KDM7A: variants seen among roughly 807,000 people sequenced by gnomAD.
KDM7A encodes lysine demethylase 7A.
In KDM7A, 28 loss-of-function variants were observed where a neutral mutation model predicts 114.8. The observed-to-expected ratio is 0.24, with a 90% CI of 0.18 to 0.33. KDM7A has a LOEUF of 0.33. Ranked by LOEUF, KDM7A falls within the 10% of genes least tolerant of loss-of-function variation. The pLI is 1.00. For synonymous variants in KDM7A, 423 were observed against 397.8 expected, an observed-to-expected ratio of 1.06 and a Z score of -0.75; for missense variants, 942 against 1,142.5, an observed-to-expected ratio of 0.82 and a Z score of 2.53.
At chr7:140,116,453 C>T (rs1818531038) in intron 9 of KDM7A, among the ~76,000 whole-genome samples, 1 of 152,082 alleles carries the variant, frequency 6.6e-6, no homozygotes, top group South Asian at 2.1e-4. Context: ...TAGTTTATAA[C>T]ACAGGTGATA....
intron 3 of KDM7A, among the ~76,000 whole-genome samples, chr7:140,131,669 C>T (rs1818788866): frequency 6.6e-6 from 1 of 152,206 alleles, no homozygotes; most frequent in African/African-American, 2.4e-5. Flanking sequence ...TTCCCCCAAC[C>T]TCTGAGGATT....
At chr7:140,105,424 T>G (rs185237328) in intron 11 of KDM7A, among the ~76,000 whole-genome samples, 8 of 152,206 alleles carry the variant, frequency 5.3e-5, no homozygotes, top group Non-Finnish European at 1.2e-4. Flanking sequence ...GGCTGTGAGT[T>G]TGTCATAAAT....
chr7:140,101,700 G>A (rs1440759131), intron 12 of KDM7A, among the ~76,000 whole-genome samples: 2 of 152,124 alleles, frequency 1.3e-5, no homozygotes, highest in Non-Finnish European at 2.9e-5. Context: ...GCCTAGAAGA[G>A]GAAATGGTAC....
At chr7:140,161,545 T>G (rs902224533) in intron 1 of KDM7A, among the ~76,000 whole-genome samples, 8 of 149,994 alleles carry the variant, frequency 5.3e-5, no homozygotes, top group Non-Finnish European at 7.4e-5. Flanking sequence ...CGTTTTTTTG[T>G]TTTTTTTTTC....
intron 11 of KDM7A, among the ~76,000 whole-genome samples, chr7:140,106,943 G>A (rs1223460242): frequency 1.3e-5 from 2 of 152,294 alleles, no homozygotes; most frequent in East Asian, 3.9e-4. Flanking sequence ...AGGTCTCTAA[G>A]GACTTGCTTT....
At position 140,101,978 on chromosome 7, in the gene KDM7A, T is replaced by C; in HGVS notation, c.1611A>G (p.Lys537=). 6.2e-7 allele frequency: 1 copy of C among 1,613,352 alleles called. No homozygotes were observed. The highest frequency in any genetic ancestry group is 1.1e-5 in the South Asian group (1 of 91,066). ...CTTCCCATGGACACATCTCTAATCT[T>C]TTGAGGACCTCCCTTGTGTGGAGCT... ...ILELHTREVL[K]RLEMCPWEED... The change falls in exon 12 of 20, where the codon AAA becomes AAG. Residue 537 remains lysine (K), a synonymous_variant. Transcript: ENST00000397560.
Position 140,176,407 on chromosome 7 carries a change from C to A in KDM7A, c.194+337G>T, listed in dbSNP as rs1308972586. Among the ~76,000 whole-genome samples, 1 of 138,152 alleles carries A rather than the reference C, an allele frequency of 7.2e-6. No homozygotes were observed. The highest frequency in any genetic ancestry group is 1.6e-5 in the Non-Finnish European group (1 of 63,372). 90.6% of individuals were successfully genotyped at this position (138,152 alleles called of 152,430 possible). A position where few individuals can be genotyped will look rare whatever the true frequency, so the allele number is the denominator to read the frequency against. ...GCTGGCGAGGGGCTGCGGACCCGGC[C>A]GGCGCTCCGCCCGACGCCCCCGCCG... is the stretch of plus-strand genomic sequence containing the variant. On this transcript the variant is annotated intron_variant, in intron 1 of 19. Coordinates refer to ENST00000397560, the MANE Select transcript of KDM7A (RefSeq NM_030647.2). The surrounding 1 kb of genome is among the most constrained non-coding windows in gnomAD (Gnocchi z 4.4).
chr7:140,124,486 C>A, intron 7 of KDM7A, 135 bp downstream of exon 7: 2 of 598,992 alleles, frequency 3.3e-6, no homozygotes, highest in South Asian at 6.1e-5. Context: ...ACATAAAAGT[C>A]CAAGATCAGA....
intron 19 of KDM7A, 90 bp downstream of exon 19, chr7:140,091,713 CA>C: frequency 3.6e-6 from 5 of 1,399,472 alleles, no homozygotes; most frequent in Non-Finnish European, 5.0e-6. Context: ...AGATGTTGAA[CA>C]ACTTGAGTGC....
Position 140,090,844 on chromosome 7 carries a change from A to G in KDM7A, c.*250T>C. The G allele has an allele frequency of 2.3e-6, 1 of 439,152 alleles. No individual in the cohort carries two copies. 27.2% of individuals were successfully genotyped at this position (439,152 alleles called of 1,614,324 possible). A position where few individuals can be genotyped will look rare whatever the true frequency, so the allele number is the denominator to read the frequency against. ...AAAATAAAATTCAAGCCCTGACAAGAGACCCTTTCCAGTTCAAGGTCTCTT... is the reference window on the plus strand; with the variant it reads ...AAAATAAAATTCAAGCCCTGACAAGGGACCCTTTCCAGTTCAAGGTCTCTT... On this transcript the variant is annotated 3_prime_UTR_variant, in exon 20 of 20. Transcript: ENST00000397560.
Position 140,085,419 on chromosome 7 carries a change from C to T in KDM7A, c.*5675G>A, listed in dbSNP as rs1817910636. ...CCCCCCAAAAAAACTTGCTGAAGCA[C>T]TGGCAAAGTTAGACATTTCACAGTA... On this transcript the variant is annotated 3_prime_UTR_variant, in exon 20 of 20. Transcript: ENST00000397560. 2 of 152,208 alleles carry T rather than the reference C, an allele frequency of 1.3e-5. No individual in the cohort carries two copies. Among genetic ancestry groups the T allele is most frequent in the African/African-American group, 2.4e-5 (1 of 41,450 alleles). The allele number at this position is 152,208 out of a possible 1,614,324, so 9.4% of individuals were successfully genotyped here.
chr7:140,175,563 GC>G (rs1794693645), intron 1 of KDM7A, among the ~76,000 whole-genome samples: 1 of 152,242 alleles, frequency 6.6e-6, no homozygotes, highest in South Asian at 2.1e-4. Flanking sequence ...GACTTTGGGA[GC>G]CCAACCCCAA....
chr7:140,119,889 C>T (rs779110777), intron 8 of KDM7A, among the ~76,000 whole-genome samples: 1 of 152,196 alleles, frequency 6.6e-6, no homozygotes, highest in Non-Finnish European at 1.5e-5. Flanking sequence ...CTAGTTCTCC[C>T]AGTCCTGATG....
At position 140,099,936 on chromosome 7, in the gene KDM7A, C is replaced by T. The variant is rs746572928; in HGVS notation, c.1726G>A (p.Asp576Asn). Reference sequence around the variant, plus strand: ...CCATTTGTCAGCAGTAATCGTAGATCATTATCTTTCGCTCTCCATTCAGGT... The same window carrying T: ...CCATTTGTCAGCAGTAATCGTAGATTATTATCTTTCGCTCTCCATTCAGGT... The part of the protein sequence containing the change: ...TVPEWRAKDN[D>N]LRLLLTNGRI... The change falls in exon 13 of 20, where the codon GAT (aspartate) becomes AAT (asparagine). Residue 576 changes from aspartate (D) to asparagine (N), a missense_variant. Asp to Asn is a conservative substitution (Grantham distance 23). This residue lies in a region of KDM7A where 512 missense variants were observed against 576.6 expected (regional missense o/e 0.89). Transcript: ENST00000397560. The T allele has an allele frequency of 1.2e-6, 2 of 1,611,976 alleles. No homozygotes were observed. The highest frequency in any genetic ancestry group is 2.2e-5 in the East Asian group (1 of 44,884).
chr7:140,102,059 C>T lies in KDM7A; in HGVS notation c.1530G>A (p.Lys510=). The T allele has an allele frequency of 6.2e-7, 1 of 1,613,790 alleles. No individual in the cohort carries two copies. The highest frequency in any genetic ancestry group is 8.5e-7 in the Non-Finnish European group (1 of 1,179,700). Residue 510 remains lysine, a synonymous_variant, in exon 12 of 20, where the codon AAG becomes AAA. Transcript: ENST00000397560. ...EATSPYHSRR[K]MRKLRDHNVR... The stretch of plus-strand genomic sequence containing the variant: ...CATTATGATCTCGAAGTTTCCTCAT[C>T]TTTCTTCGGGAATGGTATGGGGAAG...
At chr7:140,145,771 TAAG>T (rs1394044833) in intron 1 of KDM7A, among the ~76,000 whole-genome samples, 2 of 152,124 alleles carry the variant, frequency 1.3e-5, no homozygotes, top group African/African-American at 4.8e-5. Context: ...TCCTCACTCC[TAAG>T]AAGTGACTGT....
chr7:140,094,127 T>C lies in KDM7A; in HGVS notation c.2386A>G (p.Lys796Glu), dbSNP rs1562943891. Residue 796 changes from lysine (K) to glutamate (E), a missense_variant, in exon 18 of 20, where the codon AAG (lysine) becomes GAG (glutamate). By Grantham distance (56) the Lys-to-Glu change is moderately conservative. This residue lies in a region of KDM7A where 512 missense variants were observed against 576.6 expected (regional missense o/e 0.89). Coordinates refer to ENST00000397560, the MANE Select transcript of KDM7A (RefSeq NM_030647.2). ...DKPVECGYHV[K>E]TEDPDLRTSS... Reference sequence around the variant, plus strand: ...GTCCTCAAGTCTGGATCTTCAGTCTTGACATGGTATCCTAAAGAGAAGTTT... The same window carrying C: ...GTCCTCAAGTCTGGATCTTCAGTCTCGACATGGTATCCTAAAGAGAAGTTT... The C allele has an allele frequency of 6.3e-7, 1 of 1,585,030 alleles. No homozygotes were observed.
chr7:140,127,889 G>A (rs553957774), intron 4 of KDM7A, among the ~76,000 whole-genome samples: 1 of 152,124 alleles, frequency 6.6e-6, no homozygotes, highest in African/African-American at 2.4e-5. Flanking sequence ...AGCTCATAAT[G>A]ACAAAAAAAT....
intron 3 of KDM7A, among the ~76,000 whole-genome samples, chr7:140,130,690 A>T (rs1421899431): frequency 6.6e-6 from 1 of 152,060 alleles, no homozygotes; most frequent in Non-Finnish European, 1.5e-5. Flanking sequence ...AATTCTACAC[A>T]ACTATCTAAA....
Sources: allele counts gnomAD v4.1 joint callset (sites outside exome capture counted in the v4.1 genomes callset), GRCh38; gene constraint gnomAD v4.1.1; regional missense constraint gnomAD v4.1.1; non-coding constraint Gnocchi (gnomAD v3.1); transcripts MANE v1.5; gene names NCBI Gene and HGNC (gene_info 2026-07-23, HGNC 2026-07-21).